The following BMP2K variants were observed in gnomAD, a reference collection of about 807,000 sequenced individuals.
BMP2K encodes BMP2 inducible kinase, also known as BMP-2-inducible protein kinase.
A neutral mutation model predicts 116.0 loss-of-function variants in BMP2K; 74 were observed. That is an observed-to-expected ratio of 0.64 (90% CI 0.53 to 0.77). The LOEUF is 0.77. Ranked by LOEUF, BMP2K falls within the 30% of genes least tolerant of loss-of-function variation. The pLI is 0.00. For synonymous variants in BMP2K, 486 were observed against 502.5 expected, an observed-to-expected ratio of 0.97 and a Z score of 0.44; for missense variants, 1,365 against 1,403.6, an observed-to-expected ratio of 0.97 and a Z score of 0.44.
chr4:78,791,579 T>C (rs1351448003), intron 1 of BMP2K, among the ~76,000 whole-genome samples: 2 of 152,198 alleles, frequency 1.3e-5, no homozygotes, highest in African/African-American at 2.4e-5. Context: ...TAAACAAACT[T>C]CGTACCCATC....
rs992044398 is a variant in BMP2K, at chr4:78,776,614, GCGGGGCCGGGGC to G, written c.81_92del (p.Ala28_Gly31del). 27 of 1,199,704 alleles carry G rather than the reference GCGGGGCCGGGGC, an allele frequency of 2.3e-5. No homozygotes were observed. The highest frequency in any genetic ancestry group is 2.8e-5 in the Non-Finnish European group (27 of 963,938). The allele number at this position is 1,199,704 out of a possible 1,614,324, so 74.3% of individuals were successfully genotyped here. A position where few individuals can be genotyped will look rare whatever the true frequency, so the allele number is the denominator to read the frequency against. On this transcript the variant is annotated inframe_deletion, in exon 1 of 16. Coordinates refer to ENST00000502613, the MANE Select transcript of BMP2K (RefSeq NM_198892.2). Reference sequence around the variant, plus strand: ...GGCGGAGCGGCGGGTGGCGGGGCTGGCGGGGCCGGGGCCGGGGCCGGCTGCGGCTCCGGCGGC... The same window carrying G: ...GGCGGAGCGGCGGGTGGCGGGGCTGGCGGGGCCGGCTGCGGCTCCGGCGGC...
chr4:78,846,686 T>C (rs1389643919), intron 5 of BMP2K, among the ~76,000 whole-genome samples: 1 of 151,680 alleles, frequency 6.6e-6, no homozygotes, highest in Non-Finnish European at 1.5e-5. Context: ...AACAGATTAC[T>C]TTTAAAATAA....
intron 1 of BMP2K, 75 bp downstream of exon 1, chr4:78,776,796 C>T (rs1426177817): frequency 4.3e-6 from 5 of 1,174,966 alleles, no homozygotes; most frequent in East Asian, 3.4e-5. Flanking sequence ...TCCGGGTCCT[C>T]GCCCTCCGGA....
chr4:78,908,176 T>C (rs1734381846), intron 15 of BMP2K, among the ~76,000 whole-genome samples: 1 of 152,200 alleles, frequency 6.6e-6, no homozygotes, highest in South Asian at 2.1e-4. Context: ...GAAGATTATA[T>C]TTGCAATTAA....
Position 78,887,178 on chromosome 4 carries a change from G to T in BMP2K, c.1956G>T (p.Arg652Ser). 1.3e-6 allele frequency: 2 copies of T among 1,594,502 alleles called. No individual in the cohort carries two copies. The highest frequency in any genetic ancestry group is 1.7e-6 in the Non-Finnish European group (2 of 1,168,206). The change falls in exon 15 of 16, where the codon AGG (arginine) becomes AGT (serine). Residue 652 changes from arginine (R) to serine (S), a missense_variant. This residue lies in a region of BMP2K where 596 missense variants were observed against 623.2 expected (regional missense o/e 0.96). Transcript: ENST00000502613. ...DREFDLLRSN[R>S]LEERASSDKN... ...CGTTTCATCTTATTTTTGCAGATAG[G>T]CTCGAGGAGAGAGCATCCTCAGATA... is the stretch of plus-strand genomic sequence containing the variant.
In BMP2K at chr4:78,913,881, A is replaced by C. The variant is rs1734822756; in HGVS notation, c.*1848A>C. 1 of 152,022 alleles carries C rather than the reference A, an allele frequency of 6.6e-6. No individual in the cohort carries two copies. Among genetic ancestry groups the C allele is most frequent in the Non-Finnish European group, 1.5e-5 (1 of 67,960 alleles). 9.4% of individuals were successfully genotyped at this position (152,022 alleles called of 1,614,324 possible). On this transcript the variant is annotated 3_prime_UTR_variant, in exon 16 of 16. Coordinates refer to ENST00000502613, the MANE Select transcript of BMP2K (RefSeq NM_198892.2). The stretch of plus-strand genomic sequence containing the variant: ...GCACCAATTACTTGTCCTCGTGCCA[A>C]AGGCAAATATGTTTGCACCTTTTTT...
At chr4:78,872,833 T>C in intron 13 of BMP2K, 35 bp downstream of exon 13, 1 of 1,587,778 alleles carries the variant, frequency 6.3e-7, no homozygotes, top group Non-Finnish European at 8.6e-7. Context: ...AAGGAAATTA[T>C]TGTGGAAGTG....
intron 7 of BMP2K, 75 bp from the exon 8 acceptor site, chr4:78,859,509 A>C: frequency 1.1e-6 from 1 of 888,236 alleles, no homozygotes; most frequent in East Asian, 2.7e-5. Context: ...CATATTTTTT[A>C]TCCTTATAAT....
chr4:78,828,528 A>C (rs929860540), intron 2 of BMP2K, among the ~76,000 whole-genome samples: 5 of 152,098 alleles, frequency 3.3e-5, no homozygotes, highest in African/African-American at 1.2e-4. Context: ...CCACAATCAG[A>C]AAGGTGGGCA....
intron 15 of BMP2K, among the ~76,000 whole-genome samples, chr4:78,887,791 C>G (rs1733180045): frequency 1.3e-5 from 2 of 152,068 alleles, no homozygotes; most frequent in South Asian, 4.1e-4. Context: ...CCAGTTAACA[C>G]TTGGAAGATA....
rs765054712 is a variant in BMP2K, at chr4:78,840,084, G to GT, written c.404-2292dup. Among the ~76,000 whole-genome samples, 86 of 150,686 alleles carry GT rather than the reference G, an allele frequency of 5.7e-4. 1 individual carries two copies. The East Asian group carries it at 0.011, about 19-fold the overall frequency. On this transcript the variant is annotated intron_variant, in intron 3 of 15. Transcript: ENST00000502613. ...AATGGAGTAATAGGTTGTATTTTTG[G>GT]TTTTTTTTTAACTAAGTGGTAATAT...
chr4:78,897,139 G>A (rs1010587735), intron 15 of BMP2K, among the ~76,000 whole-genome samples: 2 of 151,970 alleles, frequency 1.3e-5, no homozygotes, highest in African/African-American at 4.8e-5. Flanking sequence ...AGATATTGCT[G>A]ATGGCATAAA....
At chr4:78,816,321 TG>T (rs1355500867) in intron 1 of BMP2K, among the ~76,000 whole-genome samples, 1 of 152,158 alleles carries the variant, frequency 6.6e-6, no homozygotes, top group Non-Finnish European at 1.5e-5. Flanking sequence ...CCTTGTAAAG[TG>T]ATGTTTTTCC....
chr4:78,776,558 T>C lies in BMP2K; in HGVS notation c.15T>C (p.Ser5=), dbSNP rs1168821029. Reference sequence around the variant, plus strand: ...CCGGCGGGACCATGAAGAAGTTCTCTCGGATGCCCAAGTCGGAGGGCGGCA... The same window carrying C: ...CCGGCGGGACCATGAAGAAGTTCTCCCGGATGCCCAAGTCGGAGGGCGGCA... MKKF[S]RMPKSEGGSG... is the part of the protein sequence containing the mutation. Residue 5 remains serine, a synonymous_variant, in exon 1 of 16, where the codon TCT becomes TCC. Transcript: ENST00000502613. 1.8e-6 allele frequency: 2 copies of C among 1,139,968 alleles called. No homozygotes were observed. Among genetic ancestry groups the C allele is most frequent in the Non-Finnish European group, 2.2e-6 (2 of 925,732 alleles). The allele number at this position is 1,139,968 out of a possible 1,614,324, so 70.6% of individuals were successfully genotyped here. A position where few individuals can be genotyped will look rare whatever the true frequency, so the allele number is the denominator to read the frequency against.
chr4:78,837,395 A>G (rs1014105175), intron 3 of BMP2K, among the ~76,000 whole-genome samples: 3 of 151,974 alleles, frequency 2.0e-5, no homozygotes, highest in African/African-American at 4.8e-5. Flanking sequence ...GGGTTTTGCC[A>G]TGTTGGCCAG....
intron 14 of BMP2K, among the ~76,000 whole-genome samples, chr4:78,881,223 C>T (rs2110069141): frequency 6.6e-6 from 1 of 152,222 alleles, no homozygotes; most frequent in Non-Finnish European, 1.5e-5. Context: ...TTCTCACTTT[C>T]TGTATAAGCC....
chr4:78,842,727 G>A (rs1287679081), intron 4 of BMP2K, among the ~76,000 whole-genome samples, 200 bp downstream of exon 4: 1 of 152,044 alleles, frequency 6.6e-6, no homozygotes, highest in Non-Finnish European at 1.5e-5. Context: ...TAGCATGGCT[G>A]TGGAGGCAGA....
At chr4:78,799,490 A>T (rs1400494141) in intron 1 of BMP2K, among the ~76,000 whole-genome samples, 1 of 152,206 alleles carries the variant, frequency 6.6e-6, no homozygotes, top group Non-Finnish European at 1.5e-5. Context: ...TCAGCATGAA[A>T]ATATTAGAAA....
At chr4:78,824,704 T>A (rs1031466845) in intron 1 of BMP2K, among the ~76,000 whole-genome samples, 18 of 152,210 alleles carry the variant, frequency 1.2e-4, no homozygotes, top group African/African-American at 3.9e-4. Context: ...GGTGACTTAT[T>A]ATTGCTCAGG....
Sources: gnomAD v4.1 joint callset for allele counts (sites outside exome capture counted in the v4.1 genomes callset) on GRCh38, gnomAD v4.1.1 for gene constraint, gnomAD v4.1.1 regional missense constraint, MANE v1.5 for transcripts, NCBI Gene and HGNC (gene_info 2026-07-23, HGNC 2026-07-21) for gene names.